ARB2A: variants seen among roughly 807,000 people sequenced by gnomAD.
The protein encoded by ARB2A is cotranscriptional regulator ARB2A.
the ARB2A span, among the ~76,000 whole-genome samples, chr5:94,041,923 C>G: frequency 9.9e-4 from 146 of 147,552 alleles, no homozygotes; most frequent in African/African-American, 3.5e-3. Context: ...CTGAACTTAC[C>G]AAGATTTTTC....
the ARB2A span, among the ~76,000 whole-genome samples, chr5:94,029,466 T>C: frequency 6.6e-6 from 1 of 152,248 alleles, no homozygotes; most frequent in Non-Finnish European, 1.5e-5. Flanking sequence ...TGATGTTATT[T>C]AACTTTTCAT....
the ARB2A span, among the ~76,000 whole-genome samples, chr5:93,897,123 G>T: frequency 3.3e-5 from 5 of 151,968 alleles, no homozygotes; most frequent in East Asian, 9.7e-4. Flanking sequence ...GAAATCACTT[G>T]ATTTCCTCCC....
chr5:94,064,295 A>C, the ARB2A span, among the ~76,000 whole-genome samples: 3 of 152,170 alleles, frequency 2.0e-5, no homozygotes, highest in Non-Finnish European at 4.4e-5. Context: ...GAAATAGCTC[A>C]ATCAGACAAA....
chr5:93,647,185 A>G, the ARB2A span, among the ~76,000 whole-genome samples: 1 of 152,064 alleles, frequency 6.6e-6, no homozygotes, highest in Admixed American at 6.6e-5. Flanking sequence ...TTCTCCTTAT[A>G]GCCCTTTTTA....
chr5:93,633,223 C>A, the ARB2A span, among the ~76,000 whole-genome samples: 1 of 152,316 alleles, frequency 6.6e-6, no homozygotes, highest in South Asian at 2.1e-4. Flanking sequence ...TCCATTCCCT[C>A]TGCAATCCAC....
chr5:93,925,974 TAA>T, the ARB2A span, among the ~76,000 whole-genome samples: 1 of 152,182 alleles, frequency 6.6e-6, no homozygotes, highest in African/African-American at 2.4e-5. Flanking sequence ...AATTTATCAA[TAA>T]GTGTACCTTT....
At chr5:93,811,814 T>G in the ARB2A span, among the ~76,000 whole-genome samples, 10 of 152,292 alleles carry the variant, frequency 6.6e-5, no homozygotes, top group African/African-American at 2.4e-4. Flanking sequence ...ATGATCAGCA[T>G]AAGGATGATG....
At chr5:94,032,955 C>A in the ARB2A span, among the ~76,000 whole-genome samples, 2 of 152,168 alleles carry the variant, frequency 1.3e-5, no homozygotes, top group Non-Finnish European at 2.9e-5. Flanking sequence ...TGGGAGGTGA[C>A]TGTATCATGG....
At chr5:93,840,110 T>C in the ARB2A span, among the ~76,000 whole-genome samples, 1 of 152,178 alleles carries the variant, frequency 6.6e-6, no homozygotes, top group African/African-American at 2.4e-5. Context: ...TAATTTGATA[T>C]CTTTTTAACT....
chr5:93,709,826 A>G, the ARB2A span, among the ~76,000 whole-genome samples: 1 of 152,106 alleles, frequency 6.6e-6, no homozygotes. Context: ...ACACACACAT[A>G]TATATGTATT....
the ARB2A span, among the ~76,000 whole-genome samples, chr5:94,028,052 T>A: frequency 6.6e-6 from 1 of 152,230 alleles, no homozygotes; most frequent in African/African-American, 2.4e-5. Flanking sequence ...CTGTGTCGAT[T>A]GTTGTTGTGT....
chr5:93,830,311 GTATATATATATATATATATATATATA>G, the ARB2A span, among the ~76,000 whole-genome samples: 7 of 82,270 alleles, frequency 8.5e-5, no homozygotes, highest in African/African-American at 3.1e-4. Context: ...GTGTGTGTGT[GTATATATATATATATATATATATATA>G]TATATATATA....
chr5:93,683,167 CTCATCATCAAAATCA>C, the ARB2A span: 1 of 1,368,582 alleles, frequency 7.3e-7, no homozygotes, highest in Non-Finnish European at 1.0e-6. Flanking sequence ...CTTCAGCTTC[CTCATCATCAAAATCA>C]TCATCATCAT....
chr5:93,926,699 T>C, the ARB2A span, among the ~76,000 whole-genome samples: 443 of 152,012 alleles, frequency 2.9e-3, 3 homozygotes, highest in African/African-American at 1.0e-2. Context: ...AAGAAATCAA[T>C]CCTAAGGCAG....
At chr5:94,106,385 T>C in the ARB2A span, among the ~76,000 whole-genome samples, 2 of 152,032 alleles carry the variant, frequency 1.3e-5, no homozygotes, top group Non-Finnish European at 2.9e-5. Context: ...ATGCTCAACA[T>C]CACTGAGCTT....
chr5:93,709,284 T>G, the ARB2A span, among the ~76,000 whole-genome samples: 1 of 152,142 alleles, frequency 6.6e-6, no homozygotes, highest in African/African-American at 2.4e-5. Flanking sequence ...TGGTAGATAC[T>G]AAAATTCTTT....
At chr5:93,645,144 AAC>A in the ARB2A span, among the ~76,000 whole-genome samples, 1 of 152,258 alleles carries the variant, frequency 6.6e-6, no homozygotes, top group Non-Finnish European at 1.5e-5. Flanking sequence ...CTTGTAGACT[AAC>A]ACAGAAGGCA....
At chr5:94,110,749 T>C in the ARB2A span, among the ~76,000 whole-genome samples, 132 of 152,378 alleles carry the variant, frequency 8.7e-4, no homozygotes, top group African/African-American at 3.1e-3. Context: ...ATCGCACTGA[T>C]ATTTTGATAA....
chr5:94,073,914 C>T, the ARB2A span, among the ~76,000 whole-genome samples: 1 of 152,128 alleles, frequency 6.6e-6, no homozygotes, highest in Admixed American at 6.5e-5. Context: ...AGTAAATTCT[C>T]AGTTCTCATC....
Sources: gnomAD v4.1 joint callset for allele counts (sites outside exome capture counted in the v4.1 genomes callset) on GRCh38, gnomAD v4.1.1 for gene constraint, MANE v1.5 for transcripts, NCBI Gene and HGNC (gene_info 2026-07-23, HGNC 2026-07-21) for gene names.